NKAIN2: variants seen among roughly 807,000 people sequenced by gnomAD.
NKAIN2 encodes the protein sodium/potassium transporting ATPase interacting 2.
A neutral mutation model predicts 32.6 loss-of-function variants in NKAIN2; 14 were observed. The observed-to-expected ratio is 0.43, with a 90% CI of 0.28 to 0.67. The LOEUF is 0.67. NKAIN2 is among the 30% of genes least tolerant of loss of function. The pLI, the probability that NKAIN2 is intolerant of heterozygous loss-of-function variation, is 0.17. For synonymous variants in NKAIN2, 80 were observed against 87.2 expected, an observed-to-expected ratio of 0.92 and a Z score of 0.46; for missense variants, 198 against 258.3, an observed-to-expected ratio of 0.77 and a Z score of 1.60.
intron 1 of NKAIN2, among the ~76,000 whole-genome samples, chr6:124,051,447 T>C (rs1782393502): frequency 6.6e-6 from 1 of 152,044 alleles, no homozygotes; most frequent in South Asian, 2.1e-4. Flanking sequence ...AATTATACTT[T>C]AAGTTTTAGG....
intron 3 of NKAIN2, among the ~76,000 whole-genome samples, chr6:124,512,364 G>C (rs191175877): frequency 8.1e-4 from 124 of 152,258 alleles, no homozygotes; most frequent in African/African-American, 2.9e-3. Flanking sequence ...ATTTAAGCAA[G>C]AGTAGATGTC....
At chr6:124,036,414 C>T (rs77212454) in intron 1 of NKAIN2, among the ~76,000 whole-genome samples, 3,240 of 152,126 alleles carry the variant, frequency 0.021, 108 homozygotes, top group African/African-American at 0.074. Context: ...TTGCCATTTC[C>T]ATTGTAATTT....
intron 3 of NKAIN2, chr6:124,438,031 A>C: frequency 2.9e-6 from 1 of 343,218 alleles, no homozygotes; most frequent in East Asian, 7.9e-5. Context: ...GCATCATATT[A>C]AATGAGTGCA....
At chr6:124,286,433 C>T (rs1333162355) in intron 2 of NKAIN2, among the ~76,000 whole-genome samples, 1 of 151,988 alleles carries the variant, frequency 6.6e-6, no homozygotes, top group African/African-American at 2.4e-5. Context: ...AATAACCTAT[C>T]CAAAATTATT....
At chr6:124,081,143 C>A (rs548937812) in intron 1 of NKAIN2, among the ~76,000 whole-genome samples, 219 of 152,068 alleles carry the variant, frequency 1.4e-3, no homozygotes, top group Non-Finnish European at 2.1e-3. Context: ...TTACTTGGAA[C>A]TTTTAAAGAT....
intron 2 of NKAIN2, among the ~76,000 whole-genome samples, chr6:124,347,061 C>G (rs2115108902): frequency 6.6e-6 from 1 of 151,688 alleles, no homozygotes; most frequent in Admixed American, 6.6e-5. Context: ...ATTTGCTTGT[C>G]TGTAAAGTAT....
intron 3 of NKAIN2, among the ~76,000 whole-genome samples, chr6:124,530,291 C>T (rs997235353): frequency 1.3e-5 from 2 of 152,150 alleles, no homozygotes; most frequent in African/African-American, 4.8e-5. Context: ...GAAAAGCCAA[C>T]ATTATTAAGA....
chr6:124,212,288 A>G (rs945662495), intron 1 of NKAIN2, among the ~76,000 whole-genome samples: 1 of 152,076 alleles, frequency 6.6e-6, no homozygotes, highest in Non-Finnish European at 1.5e-5. Context: ...TCTCTTTTAA[A>G]TTATTTTTAT....
chr6:124,336,415 T>C (rs1010974790), intron 2 of NKAIN2, among the ~76,000 whole-genome samples: 5 of 151,998 alleles, frequency 3.3e-5, no homozygotes, highest in Non-Finnish European at 5.9e-5. Context: ...AAGAACAGAG[T>C]GTTATACAAG....
chr6:123,907,274 AT>A (rs1177015078), intron 1 of NKAIN2, among the ~76,000 whole-genome samples: 2 of 152,190 alleles, frequency 1.3e-5, no homozygotes, highest in South Asian at 2.1e-4. Context: ...TTTCCTATAT[AT>A]TTTTTCAGAT....
intron 1 of NKAIN2, among the ~76,000 whole-genome samples, chr6:124,010,970 G>A (rs978359195): frequency 6.6e-6 from 1 of 152,058 alleles, no homozygotes; most frequent in Non-Finnish European, 1.5e-5. Flanking sequence ...CTACTGACAA[G>A]TTTTGAAGCG....
intron 4 of NKAIN2, among the ~76,000 whole-genome samples, chr6:124,723,006 A>T (rs1240332163): frequency 6.6e-6 from 1 of 152,170 alleles, no homozygotes; most frequent in Non-Finnish European, 1.5e-5. Flanking sequence ...AGCTCTAGAG[A>T]TTGGGCCTCA....
At chr6:124,730,726 A>C (rs1392657837) in intron 4 of NKAIN2, among the ~76,000 whole-genome samples, 44 of 151,770 alleles carry the variant, frequency 2.9e-4, no homozygotes, top group South Asian at 2.7e-3. Flanking sequence ...TAATGAAACT[A>C]AAGAGCTTCT....
At chr6:123,897,373 G>A (rs1774337576) in intron 1 of NKAIN2, among the ~76,000 whole-genome samples, 2 of 152,058 alleles carry the variant, frequency 1.3e-5, no homozygotes, top group South Asian at 4.1e-4. Context: ...TTCTAACTTT[G>A]CCTGTTTCCT....
chr6:124,556,430 A>G (rs2114879857), intron 3 of NKAIN2, among the ~76,000 whole-genome samples: 1 of 152,298 alleles, frequency 6.6e-6, no homozygotes, highest in African/African-American at 2.4e-5. Context: ...TCGTAAATGG[A>G]TCAATGTTAT....
At chr6:124,349,419 G>A (rs1411145078) in intron 2 of NKAIN2, among the ~76,000 whole-genome samples, 19 of 149,928 alleles carry the variant, frequency 1.3e-4, no homozygotes. Flanking sequence ...TTAGCAGCAT[G>A]ATATCTGTGA....
At chr6:123,912,447 A>T (rs1209094703) in intron 1 of NKAIN2, among the ~76,000 whole-genome samples, 1 of 152,164 alleles carries the variant, frequency 6.6e-6, no homozygotes, top group African/African-American at 2.4e-5. Context: ...TACATTTTAT[A>T]TTTGAAATGT....
chr6:124,413,792 G>A (rs186914207), intron 3 of NKAIN2, among the ~76,000 whole-genome samples: 2 of 152,110 alleles, frequency 1.3e-5, no homozygotes, highest in Admixed American at 1.3e-4. Flanking sequence ...TCATATTTTT[G>A]ATCATACTGG....
intron 2 of NKAIN2, among the ~76,000 whole-genome samples, chr6:124,323,779 T>TTTC (rs1297626656): frequency 0.024 from 3,068 of 130,348 alleles, 193 homozygotes; most frequent in African/African-American, 0.093. Context: ...TTCTTTTAAT[T>TTTC]TTTTCTTTTT....
Sources: gnomAD v4.1 joint callset for allele counts (sites outside exome capture counted in the v4.1 genomes callset) on GRCh38, gnomAD v4.1.1 for gene constraint, MANE v1.5 for transcripts, NCBI Gene and HGNC (gene_info 2026-07-23, HGNC 2026-07-21) for gene names.